CLPTM1: variants seen among roughly 807,000 people sequenced by gnomAD.
CLPTM1 encodes the protein CLPTM1 regulator of GABA type A receptor forward trafficking.
In CLPTM1, 21 loss-of-function variants were observed where a neutral mutation model predicts 77.3. The observed-to-expected ratio is 0.27, with a 90% CI of 0.19 to 0.39. CLPTM1 has a LOEUF of 0.39. Ranked by LOEUF, CLPTM1 falls within the 10% of genes least tolerant of loss-of-function variation. The pLI, the probability that CLPTM1 is intolerant of heterozygous loss-of-function variation, is 1.00. For missense variants in CLPTM1, 642 were observed against 921.2 expected (o/e 0.70, Z 3.92); for synonymous variants, 373 against 381.0 (o/e 0.98, Z 0.24).
chr19:44,980,434 C>T (rs183148747), intron 5 of CLPTM1, among the ~76,000 whole-genome samples: 174 of 149,878 alleles, frequency 1.2e-3, no homozygotes, highest in Admixed American at 5.6e-3. Flanking sequence ...TTTTGGACCC[C>T]GGAGGCGGAG....
rs371580610 is a variant in CLPTM1, at chr19:44,987,390, C to T, written c.1005C>T (p.Tyr335=). The change falls in exon 8 of 14, where the codon TAC becomes TAT. Residue 335 remains tyrosine (Y), a synonymous_variant. Coordinates refer to ENST00000337392, the MANE Select transcript of CLPTM1 (RefSeq NM_001294.4). ...GGAACTTCCTGGGTGATGAGTTGTACGAGCAGTCAGATGAGGAGCAGGACT... is the reference window on the plus strand; with the variant it reads ...GGAACTTCCTGGGTGATGAGTTGTATGAGCAGTCAGATGAGGAGCAGGACT... ...SPWNFLGDEL[Y]EQSDEEQDSV... is the part of the protein sequence containing the mutation. The T allele has an allele frequency of 2.5e-5, 41 of 1,613,858 alleles. No homozygotes were observed. The Middle Eastern group carries it at 6.6e-4, about 26-fold the overall frequency.
chr19:44,961,305 C>T (rs938339150), intron 1 of CLPTM1, among the ~76,000 whole-genome samples: 3 of 152,124 alleles, frequency 2.0e-5, no homozygotes, highest in African/African-American at 7.2e-5. Context: ...ACCAGGGGCC[C>T]TTGGAGGGCA....
chr19:44,988,506 C>T (rs1358149224), intron 9 of CLPTM1, among the ~76,000 whole-genome samples: 4 of 152,190 alleles, frequency 2.6e-5, no homozygotes, highest in Non-Finnish European at 5.9e-5. Context: ...GGCAGGCTGC[C>T]TGCTGCGGGA....
At chr19:44,955,200 G>C, upstream of CLPTM1, 1 of 1,532,454 alleles carries the variant, frequency 6.5e-7, no homozygotes, top group Non-Finnish European at 8.7e-7. Context: ...CAAACGGGCT[G>C]GGAGAAAGAC....
chr19:44,989,667 T>C (rs1339079336), intron 9 of CLPTM1, among the ~76,000 whole-genome samples: 1 of 152,148 alleles, frequency 6.6e-6, no homozygotes, highest in Non-Finnish European at 1.5e-5. Flanking sequence ...GCCCTGACTC[T>C]GCAGGACTGC....
At position 44,987,477 on chromosome 19, in the gene CLPTM1, G is replaced by A. The variant is rs541902572; in HGVS notation, c.1038+54G>A. 8.0e-5 allele frequency: 128 copies of A among 1,600,792 alleles called. No individual in the cohort carries two copies. In the African/African-American group the frequency reaches 1.3e-3, roughly 17 times the overall value. ...CCCGGTGCCTTCCTGGGCGCAAGAGGCCAAGAGGAAGTGTGCCAGGCCTGG... is the reference window on the plus strand; with the variant it reads ...CCCGGTGCCTTCCTGGGCGCAAGAGACCAAGAGGAAGTGTGCCAGGCCTGG... On this transcript the variant is annotated intron_variant, in intron 8 of 13. Coordinates refer to ENST00000337392, the MANE Select transcript of CLPTM1 (RefSeq NM_001294.4).
rs897645674 is a variant in CLPTM1, at chr19:44,990,171, C to T, written c.1133-224C>T. On this transcript the variant is annotated intron_variant, in intron 9 of 13. Coordinates refer to ENST00000337392, the MANE Select transcript of CLPTM1 (RefSeq NM_001294.4). This position sits in a 1 kb window ranked among gnomAD's most constrained non-coding sequence, Gnocchi z 4.8. Reference sequence around the variant, plus strand: ...TGCACCTTGGGGTGCTGGGTGCTGACGTCCTATGGGAGGGCTCCAGGGGTG... The same window carrying T: ...TGCACCTTGGGGTGCTGGGTGCTGATGTCCTATGGGAGGGCTCCAGGGGTG... The T allele has an allele frequency of 5.3e-6, 3 of 563,104 alleles. No individual in the cohort carries two copies. The highest frequency in any genetic ancestry group is 3.1e-5 in the Admixed American group (1 of 32,758). 34.9% of individuals were successfully genotyped at this position (563,104 alleles called of 1,614,324 possible).
rs761764037 is a variant in CLPTM1 at position 44,992,758 on chromosome 19, C to A, written c.1871C>A (p.Thr624Lys). 1.9e-6 allele frequency: 3 copies of A among 1,612,422 alleles called. No homozygotes were observed. Among genetic ancestry groups the A allele is most frequent in the Non-Finnish European group, 2.5e-6 (3 of 1,179,848 alleles). ...ACAGCAGCAGGGGCCCTCACGCCCACACCTGCACCCACCACGACCACCGCC... is the reference window on the plus strand; with the variant it reads ...ACAGCAGCAGGGGCCCTCACGCCCAAACCTGCACCCACCACGACCACCGCC... Reference protein sequence around the residue: ...VPTAAGALTPTPAPTTTTATR... With the variant: ...VPTAAGALTPKPAPTTTTATR... Residue 624 changes from threonine to lysine, a missense_variant, in exon 14 of 14, where the codon ACA becomes AAA. By Grantham distance (78) the Thr-to-Lys change is moderately conservative. Coordinates refer to ENST00000337392, the MANE Select transcript of CLPTM1 (RefSeq NM_001294.4). The surrounding 1 kb of genome is among the most constrained non-coding windows in gnomAD (Gnocchi z 7.7).
rs932463797 is a variant in CLPTM1, at chr19:44,990,535, A to C, written c.1273A>C (p.Ile425Leu). The change falls in exon 10 of 14, where the codon ATT becomes CTT. Residue 425 changes from isoleucine (I) to leucine (L), a missense_variant. Transcript: ENST00000337392. This position sits in a 1 kb window ranked among gnomAD's most constrained non-coding sequence, Gnocchi z 4.8. ...CTTCGTGGTCCAGGTCAGCGTCTTCATTGGGGTCCTCATCGACCTCTGGAA... is the reference window on the plus strand; with the variant it reads ...CTTCGTGGTCCAGGTCAGCGTCTTCCTTGGGGTCCTCATCGACCTCTGGAA... ...TNFVVQVSVF[I>L]GVLIDLWKIT... 1.9e-6 allele frequency: 3 copies of C among 1,613,862 alleles called. No individual in the cohort carries two copies. In the African/African-American group the frequency reaches 4.0e-5, roughly 22 times the overall value.
chr19:44,969,325 C>G (rs1250544895), intron 2 of CLPTM1, among the ~76,000 whole-genome samples: 1 of 152,160 alleles, frequency 6.6e-6, no homozygotes, highest in Non-Finnish European at 1.5e-5. Context: ...CAGAGCTGGG[C>G]TTCAGATGAA....
At chr19:44,966,753 A>G (rs113882366) in intron 2 of CLPTM1, among the ~76,000 whole-genome samples, 2 of 152,082 alleles carry the variant, frequency 1.3e-5, no homozygotes, top group African/African-American at 4.8e-5. Context: ...TGGCACGCAC[A>G]CAGACAATGT....
At chr19:44,957,550 G>T (rs1970483175) in intron 1 of CLPTM1, among the ~76,000 whole-genome samples, 1 of 152,252 alleles carries the variant, frequency 6.6e-6, no homozygotes, top group Non-Finnish European at 1.5e-5. Flanking sequence ...GCAAAACCTA[G>T]CTTCCTCCTG....
At chr19:44,983,408 C>G (rs1052058521) in intron 5 of CLPTM1, among the ~76,000 whole-genome samples, 6 of 151,184 alleles carry the variant, frequency 4.0e-5, no homozygotes, top group Non-Finnish European at 7.4e-5. Context: ...ATCACGAGGC[C>G]AGGAGATTGA....
intron 1 of CLPTM1, among the ~76,000 whole-genome samples, chr19:44,959,177 A>G (rs982908960): frequency 1.3e-5 from 2 of 150,848 alleles, no homozygotes; most frequent in African/African-American, 4.9e-5. Context: ...TAATGCTGCT[A>G]TGAACATTCA....
intron 2 of CLPTM1, among the ~76,000 whole-genome samples, chr19:44,968,636 AG>A (rs11286083): frequency 1 from 152,265 of 152,268 alleles, 76,131 homozygotes; most frequent in Non-Finnish European, 1. Context: ...GGATACACAC[AG>A]GACGTTCTTC....
At chr19:44,973,344 TGAGG>T in intron 3 of CLPTM1, 134 bp downstream of exon 3, 2 of 1,190,186 alleles carry the variant, frequency 1.7e-6, no homozygotes, top group Non-Finnish European at 2.4e-6. Context: ...GGTCCAGGGT[TGAGG>T]AACTCTGGGC....
At chr19:44,964,104 C>T (rs748265732) in intron 2 of CLPTM1, among the ~76,000 whole-genome samples, 4 of 151,868 alleles carry the variant, frequency 2.6e-5, no homozygotes, top group Admixed American at 1.3e-4. Context: ...GCCGAGATCA[C>T]ACCACTGTAC....
chr19:44,986,203 A>G (rs1417160942), intron 6 of CLPTM1, among the ~76,000 whole-genome samples: 2 of 151,778 alleles, frequency 1.3e-5, no homozygotes, highest in Non-Finnish European at 2.9e-5. Flanking sequence ...AGAAAAAAGA[A>G]AGAAAGAAAA....
At chr19:44,988,729 G>A (rs1268189152) in intron 9 of CLPTM1, among the ~76,000 whole-genome samples, 1 of 152,242 alleles carries the variant, frequency 6.6e-6, no homozygotes, top group Non-Finnish European at 1.5e-5. Context: ...CCAGTCACAC[G>A]GTTCCTAAGG....
Sources: allele counts gnomAD v4.1 joint callset (sites outside exome capture counted in the v4.1 genomes callset), GRCh38; gene constraint gnomAD v4.1.1; non-coding constraint Gnocchi (gnomAD v3.1); transcripts MANE v1.5; gene names NCBI Gene and HGNC (gene_info 2026-07-23, HGNC 2026-07-21).